The following ROBO2 variants were observed in gnomAD, a reference collection of about 807,000 sequenced individuals.
ROBO2 encodes roundabout guidance receptor 2.
ROBO2 carries 53 observed loss-of-function variants against 160.8 expected under a neutral mutation model. The ratio of observed to expected loss-of-function variants is 0.33; its 90% CI spans 0.26 to 0.41. ROBO2 has a LOEUF of 0.41. Ranked by LOEUF, ROBO2 falls within the 10% of genes least tolerant of loss-of-function variation. ROBO2 has a pLI of 1.00. For synonymous variants in ROBO2, 664 were observed against 611.7 expected (o/e 1.09, Z -1.26); for missense variants, 1,577 against 1,722.4 (o/e 0.92, Z 1.49).
At chr3:76,724,064 G>A (rs1454790567) in intron 2 of ROBO2, among the ~76,000 whole-genome samples, 2 of 152,150 alleles carry the variant, frequency 1.3e-5, no homozygotes, top group Non-Finnish European at 2.9e-5. Context: ...CACTGTGGTC[G>A]ATTATTCTAC....
intron 2 of ROBO2, among the ~76,000 whole-genome samples, chr3:77,390,647 T>C (rs1187830731): frequency 2.6e-5 from 4 of 152,174 alleles, no homozygotes; most frequent in South Asian, 2.1e-4. Context: ...AAGTCTTTAT[T>C]AGCAGCGTGA....
At chr3:77,045,537 A>T (rs1222549537) in intron 1 of ROBO2, among the ~76,000 whole-genome samples, 2 of 152,126 alleles carry the variant, frequency 1.3e-5, no homozygotes, top group African/African-American at 4.8e-5. Flanking sequence ...TTCATGTCCA[A>T]TGAGAATGTA....
At chr3:76,194,386 A>ATATATG (rs1702162843) in intron 2 of ROBO2, among the ~76,000 whole-genome samples, 2 of 142,174 alleles carry the variant, frequency 1.4e-5, no homozygotes, top group Non-Finnish European at 3.1e-5. Flanking sequence ...ATATATATAT[A>ATATATG]GTGTGAGGAC....
intron 2 of ROBO2, among the ~76,000 whole-genome samples, chr3:77,119,205 C>G (rs1247225115): frequency 6.6e-6 from 1 of 152,218 alleles, no homozygotes; most frequent in Admixed American, 6.5e-5. Flanking sequence ...CCATGCAGAA[C>G]AGTGAGTCAA....
At chr3:76,363,904 T>C (rs1282162206) in intron 2 of ROBO2, among the ~76,000 whole-genome samples, 1 of 152,070 alleles carries the variant, frequency 6.6e-6, no homozygotes, top group Non-Finnish European at 1.5e-5. Flanking sequence ...TAAACTATGG[T>C]CCTAACCAAG....
intron 2 of ROBO2, among the ~76,000 whole-genome samples, chr3:77,028,684 A>G (rs1427854649): frequency 6.6e-6 from 1 of 152,108 alleles, no homozygotes; most frequent in African/African-American, 2.4e-5. Flanking sequence ...GCGTCACTGT[A>G]CTCCAGCCTG....
intron 13 of ROBO2, among the ~76,000 whole-genome samples, chr3:77,572,450 T>G (rs2093660663): frequency 6.6e-6 from 1 of 151,964 alleles, no homozygotes; most frequent in Admixed American, 6.6e-5. Context: ...ACTGGTAGCA[T>G]GAATGAGGAC....
rs78708262 is a variant in ROBO2 at position 76,077,285 on chromosome 3, G to A, written c.109+139683G>A. 7.1e-3 allele frequency among the ~76,000 whole-genome samples: 1,081 copies of A among 152,248 alleles called. 64 individuals are homozygous for A. In the East Asian group the frequency reaches 0.15, roughly 22 times the overall value. ...AATGTTTTAAAATCTTAATGAGGCC[G>A]GGTGAAGTGGCTCATGCCTGTAATC... On this transcript the variant is annotated intron_variant, in intron 2 of 26. Transcript: ENST00000487694.
rs1379340859 is a variant in ROBO2 at position 76,749,975 on chromosome 3, C to T, written c.110-348039C>T. ...GGCCAGCATCATCCTGATACCAAAG[C>T]CGGGCAGAGACACAACAGAAAAAGA... On this transcript the variant is annotated intron_variant, in intron 2 of 26. Transcript: ENST00000487694. Among the ~76,000 whole-genome samples, 69 of 152,188 alleles carry T rather than the reference C, an allele frequency of 4.5e-4. 2 individuals are homozygous for T. The highest frequency in any genetic ancestry group is 1.3e-4 in the Non-Finnish European group (9 of 68,002).
chr3:77,462,084 A>G (rs1046742450), intron 2 of ROBO2, among the ~76,000 whole-genome samples: 1 of 152,196 alleles, frequency 6.6e-6, no homozygotes, highest in African/African-American at 2.4e-5. Context: ...AGAGAGAAAA[A>G]TAACTTTTTA....
intron 2 of ROBO2, among the ~76,000 whole-genome samples, chr3:77,137,293 C>T (rs977293720): frequency 6.6e-6 from 1 of 151,406 alleles, no homozygotes; most frequent in Admixed American, 6.6e-5. Context: ...ATGGTGTGAT[C>T]TCGGCTCACT....
Position 76,799,155 on chromosome 3 carries a change from G to A in ROBO2, c.110-298859G>A, listed in dbSNP as rs147250780. 1.4e-3 allele frequency among the ~76,000 whole-genome samples: 218 copies of A among 151,194 alleles called. 1 individual carries two copies. The highest frequency in any genetic ancestry group is 5.1e-3 in the African/African-American group (210 of 41,200). On this transcript the variant is annotated intron_variant, in intron 2 of 26. Transcript: ENST00000487694. Reference sequence around the variant, plus strand: ...CTTGAACCCAGGAGACGGAGGCTGCGGTGAGCCGAGATGGCGCCACTGCAC... The same window carrying A: ...CTTGAACCCAGGAGACGGAGGCTGCAGTGAGCCGAGATGGCGCCACTGCAC...
chr3:76,598,868 A>G (rs1009060490), intron 2 of ROBO2, among the ~76,000 whole-genome samples: 1 of 152,174 alleles, frequency 6.6e-6, no homozygotes, highest in African/African-American at 2.4e-5. Context: ...TTAGTACTTC[A>G]TCTACGTAAC....
At chr3:76,229,654 C>T (rs1255954961) in intron 2 of ROBO2, among the ~76,000 whole-genome samples, 1 of 152,140 alleles carries the variant, frequency 6.6e-6, no homozygotes, top group Non-Finnish European at 1.5e-5. Flanking sequence ...TCAGGAACAG[C>T]AGGTTTTACT....
At chr3:76,518,804 G>C (rs1318445735) in intron 2 of ROBO2, among the ~76,000 whole-genome samples, 4 of 152,154 alleles carry the variant, frequency 2.6e-5, no homozygotes, top group Non-Finnish European at 5.9e-5. Flanking sequence ...CTGGTGCATA[G>C]TGTTGAGCCA....
chr3:76,864,103 G>A (rs2071105336), intron 2 of ROBO2, among the ~76,000 whole-genome samples: 1 of 151,908 alleles, frequency 6.6e-6, no homozygotes, highest in South Asian at 2.1e-4. Flanking sequence ...TCCTTCTCCA[G>A]AATTGGTTCT....
At chr3:76,915,361 C>A (rs1190221944) in intron 2 of ROBO2, among the ~76,000 whole-genome samples, 1 of 151,898 alleles carries the variant, frequency 6.6e-6, no homozygotes, top group Admixed American at 6.6e-5. Context: ...TGAAAAAGAG[C>A]TTAAAGATTG....
intron 2 of ROBO2, among the ~76,000 whole-genome samples, chr3:76,533,987 A>G (rs989990353): frequency 1.4e-4 from 22 of 152,272 alleles, no homozygotes; most frequent in African/African-American, 5.3e-4. Flanking sequence ...CCATCTGGAC[A>G]TATGTGTGCA....
chr3:76,795,328 T>C (rs1285477158), intron 2 of ROBO2, among the ~76,000 whole-genome samples: 1 of 152,132 alleles, frequency 6.6e-6, no homozygotes, highest in Non-Finnish European at 1.5e-5. Flanking sequence ...CTCTGTAGCA[T>C]GCAATGCTGA....
Sources: allele counts gnomAD v4.1 joint callset (sites outside exome capture counted in the v4.1 genomes callset), GRCh38; gene constraint gnomAD v4.1.1; transcripts MANE v1.5; gene names NCBI Gene and HGNC (gene_info 2026-07-23, HGNC 2026-07-21).